EP300: variants seen among roughly 807,000 people sequenced by gnomAD.
EP300 encodes histone acetyltransferase p300.
EP300 carries 31 observed loss-of-function variants against 264.0 expected under a neutral mutation model. That is an observed-to-expected ratio of 0.12 (90% CI 0.09 to 0.16). The LOEUF is 0.16. Among genes scored for constraint, EP300 ranks in the 10% least tolerant of loss-of-function variants. The pLI, the probability that EP300 is intolerant of heterozygous loss-of-function variation, is 1.00. For missense variants in EP300, 2,766 were observed against 3,052.9 expected (o/e 0.91, Z 2.21); for synonymous variants, 1,340 against 1,045.4 (o/e 1.28, Z -5.44).
rs553061468 is a variant in EP300, at chr22:41,137,500, T to A, written c.1623-153T>A. Among the ~76,000 whole-genome samples the A allele has an allele frequency of 4.6e-5, 7 of 152,216 alleles. No homozygotes were observed. The South Asian group carries it at 1.4e-3, about 32-fold the overall frequency. On this transcript the variant is annotated intron_variant, in intron 7 of 30. Transcript: ENST00000263253. ...ATGAACATGCACAGTTTAAAATCAG[T>A]CTAGTCACACACTTCTCCCTGCCTA...
At chr22:41,137,163 A>T (rs1460094038) in intron 7 of EP300, among the ~76,000 whole-genome samples, 6 of 152,010 alleles carry the variant, frequency 3.9e-5, no homozygotes, top group Non-Finnish European at 8.8e-5. Context: ...GTTTGAGACC[A>T]GCCTAGCCAA....
chr22:41,122,157 CTTTTT>C (rs71328774), intron 2 of EP300, among the ~76,000 whole-genome samples: 125 of 35,872 alleles, frequency 3.5e-3, no homozygotes, highest in Middle Eastern at 0.013. Context: ...TCTTCTTCTT[CTTTTT>C]TTTTTTTTTT....
intron 2 of EP300, 80 bp downstream of exon 2, chr22:41,117,901 T>G: frequency 1.3e-6 from 2 of 1,599,474 alleles, no homozygotes; most frequent in African/African-American, 1.3e-5. Context: ...TGCCTTACAT[T>G]GTATAGCAGT....
chr22:41,136,607 G>C (rs1290503762), intron 7 of EP300, among the ~76,000 whole-genome samples: 1 of 152,076 alleles, frequency 6.6e-6, no homozygotes, highest in Non-Finnish European at 1.5e-5. Context: ...GCTCTGGTGA[G>C]CCGTGATTAC....
intron 27 of EP300, among the ~76,000 whole-genome samples, chr22:41,171,778 AT>A: frequency 6.6e-6 from 1 of 150,496 alleles, no homozygotes; most frequent in East Asian, 2.0e-4. Flanking sequence ...AGCCAGGCTA[AT>A]TTTTTCTATT....
chr22:41,108,968 T>C (rs548615061), intron 1 of EP300, among the ~76,000 whole-genome samples: 1 of 152,236 alleles, frequency 6.6e-6, no homozygotes, highest in African/African-American at 2.4e-5. Context: ...CTCACCTTAC[T>C]GTCTAGAAAA....
chr22:41,175,573 C>T (rs908543306), intron 29 of EP300, among the ~76,000 whole-genome samples: 1 of 152,160 alleles, frequency 6.6e-6, no homozygotes, highest in Admixed American at 6.5e-5. Flanking sequence ...CCTTCCAAAC[C>T]TGTAGGAAAA....
intron 29 of EP300, among the ~76,000 whole-genome samples, chr22:41,174,205 C>T (rs1278624226): frequency 2.0e-5 from 3 of 151,870 alleles, no homozygotes; most frequent in Admixed American, 6.6e-5. Flanking sequence ...TTGAGGCAGG[C>T]GGATCACTTG....
At chr22:41,141,277 C>T (rs2145726686) in intron 10 of EP300, 55 bp downstream of exon 10, 1 of 1,558,900 alleles carries the variant, frequency 6.4e-7, no homozygotes. Flanking sequence ...AAAATAGTTT[C>T]TATCTAAAGT....
At position 41,092,598 on chromosome 22, in the gene EP300, G is replaced by A; in HGVS notation, c.-407G>A. 1.7e-6 allele frequency: 1 copy of A among 596,334 alleles called. No individual in the cohort carries two copies. The highest frequency in any genetic ancestry group is 3.0e-6 in the Non-Finnish European group (1 of 327,896). 36.9% of individuals were successfully genotyped at this position (596,334 alleles called of 1,614,324 possible). ...CCCGCCTCCTTGTGGCGATGAGAAGGAGGAGGACAGCGCCGAGGAGGAAGA... is the reference window on the plus strand; with the variant it reads ...CCCGCCTCCTTGTGGCGATGAGAAGAAGGAGGACAGCGCCGAGGAGGAAGA... On this transcript the variant is annotated 5_prime_UTR_variant, in exon 1 of 31. Transcript: ENST00000263253.
At chr22:41,097,108 G>A (rs1323586593) in intron 1 of EP300, among the ~76,000 whole-genome samples, 2 of 152,164 alleles carry the variant, frequency 1.3e-5, no homozygotes, top group African/African-American at 2.4e-5. Context: ...ATTTAGTGAG[G>A]CATTTCTCTC....
At chr22:41,159,749 A>C (rs934672309) in intron 19 of EP300, 3 of 152,244 alleles carry the variant, frequency 2.0e-5, no homozygotes, top group African/African-American at 7.2e-5. Flanking sequence ...ATCTTAGCTC[A>C]CTGCAACCTC....
chr22:41,143,993 C>A (rs1241362685), intron 10 of EP300, among the ~76,000 whole-genome samples: 1 of 152,080 alleles, frequency 6.6e-6, no homozygotes, highest in African/African-American at 2.4e-5. Flanking sequence ...ACTTATGTAA[C>A]GTGTACCATC....
At chr22:41,136,119 T>A (rs1468179833) in intron 7 of EP300, among the ~76,000 whole-genome samples, 1 of 152,146 alleles carries the variant, frequency 6.6e-6, no homozygotes, top group Non-Finnish European at 1.5e-5. Context: ...CTCCTGGTTC[T>A]GGTTAAAGCA....
chr22:41,167,342 ATTG>A (rs748063063), intron 23 of EP300, among the ~76,000 whole-genome samples: 3 of 151,704 alleles, frequency 2.0e-5, no homozygotes, highest in Non-Finnish European at 4.4e-5. Context: ...GCCTTATGTG[ATTG>A]TTTTCTACTG....
chr22:41,145,608 T>C (rs1344708380), intron 10 of EP300, among the ~76,000 whole-genome samples: 1 of 152,206 alleles, frequency 6.6e-6, no homozygotes, highest in Non-Finnish European at 1.5e-5. Flanking sequence ...AAAAAGACCT[T>C]AGAATTTATG....
intron 7 of EP300, among the ~76,000 whole-genome samples, chr22:41,136,114 G>A (rs539984521): frequency 6.6e-6 from 1 of 152,178 alleles, no homozygotes; most frequent in South Asian, 2.1e-4. Flanking sequence ...TCTGCCTCCT[G>A]GTTCTGGTTA....
At chr22:41,101,301 C>T (rs1344563480) in intron 1 of EP300, among the ~76,000 whole-genome samples, 1 of 152,084 alleles carries the variant, frequency 6.6e-6, no homozygotes. Context: ...TCTCGAACTC[C>T]TGACCTCAGT....
At chr22:41,175,212 G>A (rs1169584088) in intron 29 of EP300, among the ~76,000 whole-genome samples, 1 of 152,158 alleles carries the variant, frequency 6.6e-6, no homozygotes, top group Non-Finnish European at 1.5e-5. Context: ...AATTTAGGTT[G>A]TAAATCCAAG....
Sources: allele counts gnomAD v4.1 joint callset (sites outside exome capture counted in the v4.1 genomes callset), GRCh38; gene constraint gnomAD v4.1.1; transcripts MANE v1.5; gene names NCBI Gene and HGNC (gene_info 2026-07-23, HGNC 2026-07-21).